DNAL1: variants seen among roughly 807,000 people sequenced by gnomAD.
DNAL1 encodes chromosome 14 open reading frame 168.
In DNAL1, 17 loss-of-function variants were observed where a neutral mutation model predicts 29.4. That is an observed-to-expected ratio of 0.58 (90% CI 0.40 to 0.87). The LOEUF (loss-of-function observed/expected upper bound fraction) is 0.87, where lower values mean the gene tolerates loss of function less well. DNAL1 is among the 40% of genes least tolerant of loss of function. DNAL1 has a pLI of 0.00. For synonymous variants in DNAL1, 78 were observed against 76.3 expected (o/e 1.02, Z -0.12); for missense variants, 188 against 214.1 (o/e 0.88, Z 0.76).
intron 4 of DNAL1, among the ~76,000 whole-genome samples, chr14:73,663,547 A>G (rs1891404952): frequency 6.6e-6 from 1 of 151,904 alleles, no homozygotes; most frequent in African/African-American, 2.4e-5. Context: ...CTTTTTTTTT[A>G]AATGCTGATC....
intron 7 of DNAL1, among the ~76,000 whole-genome samples, chr14:73,693,080 C>T (rs1823321568): frequency 1.3e-5 from 2 of 152,194 alleles, no homozygotes; most frequent in South Asian, 2.1e-4. Flanking sequence ...GTGATCCACC[C>T]ACCTCAGCCT....
In DNAL1 at chr14:73,658,888, A is replaced by G. The variant is rs1359480952; in HGVS notation, c.84A>G (p.Ile28Met). Reference protein sequence around the residue: ...TGQRPSEAKEIKLYAQIPPIE... With the variant: ...TGQRPSEAKEMKLYAQIPPIE... ...AGAGGCCATCTGAAGCCAAAGAGATAAAACTTTATGCCCAGATTCCCCCTA... is the reference window on the plus strand; with the variant it reads ...AGAGGCCATCTGAAGCCAAAGAGATGAAACTTTATGCCCAGATTCCCCCTA... The change falls in exon 3 of 8, where the codon ATA becomes ATG. Residue 28 changes from isoleucine to methionine, a missense_variant. Coordinates refer to ENST00000553645, the MANE Select transcript of DNAL1 (RefSeq NM_031427.4). 1 of 1,602,604 alleles carries G rather than the reference A, an allele frequency of 6.2e-7. No homozygotes were observed.
chr14:73,672,371 C>A (rs752949354), intron 5 of DNAL1, among the ~76,000 whole-genome samples: 3 of 151,736 alleles, frequency 2.0e-5, no homozygotes, highest in Non-Finnish European at 4.4e-5. Flanking sequence ...TTTGGGAGGC[C>A]GAGGCAGGCA....
rs372524059 is a variant in DNAL1 at position 73,700,279 on chromosome 14, G to C, written c.*4337G>C. ...GAGGCAGGAGAATTGCTTGAACCCG[G>C]GAGGCAGAGGCTTCAGTGAGCCGAA... is the stretch of plus-strand genomic sequence containing the variant. On this transcript the variant is annotated 3_prime_UTR_variant, in exon 8 of 8. Coordinates refer to ENST00000553645, the MANE Select transcript of DNAL1 (RefSeq NM_031427.4). 1.1e-4 allele frequency: 17 copies of C among 152,162 alleles called. No homozygotes were observed. Among genetic ancestry groups the C allele is most frequent in the Admixed American group, 1.1e-3 (17 of 15,274 alleles). The allele number at this position is 152,162 out of a possible 1,614,324, so 9.4% of individuals were successfully genotyped here. A position where few individuals can be genotyped will look rare whatever the true frequency, so the allele number is the denominator to read the frequency against.
At chr14:73,694,510 A>G (rs1286539840) in intron 7 of DNAL1, among the ~76,000 whole-genome samples, 1 of 150,094 alleles carries the variant, frequency 6.7e-6, no homozygotes, top group Admixed American at 6.7e-5. Flanking sequence ...TGGCCCAGTG[A>G]GAGCCAGAGA....
chr14:73,701,153 A>G lies in DNAL1; in HGVS notation c.*5211A>G, dbSNP rs1314172667. 2.0e-5 allele frequency: 3 copies of G among 152,228 alleles called. No individual in the cohort carries two copies. Among genetic ancestry groups the G allele is most frequent in the Non-Finnish European group, 4.4e-5 (3 of 68,032 alleles). 9.4% of individuals were successfully genotyped at this position (152,228 alleles called of 1,614,324 possible). On this transcript the variant is annotated 3_prime_UTR_variant, in exon 8 of 8. Transcript: ENST00000553645. ...TTAACTGGATTCTAGTTAATTTCCC[A>G]TATTGGGCAGTTTAGAGGAGACCCA...
chr14:73,681,136 T>C (rs1407094892), intron 5 of DNAL1, among the ~76,000 whole-genome samples: 1 of 150,932 alleles, frequency 6.6e-6, no homozygotes, highest in Non-Finnish European at 1.5e-5. Flanking sequence ...GTTGTTTTTT[T>C]GCTTTTTTTT....
At chr14:73,662,123 G>A in intron 4 of DNAL1, 81 bp downstream of exon 4, 1 of 1,224,752 alleles carries the variant, frequency 8.2e-7, no homozygotes, top group East Asian at 2.6e-5. Flanking sequence ...TGTAATTCCA[G>A]AAGCTGGCAC....
chr14:73,666,339 C>T (rs912776532), intron 4 of DNAL1, among the ~76,000 whole-genome samples: 1 of 152,066 alleles, frequency 6.6e-6, no homozygotes, highest in Non-Finnish European at 1.5e-5. Flanking sequence ...CAAACCATGA[C>T]TAAAAAGCTG....
At position 73,687,519 on chromosome 14, in the gene DNAL1, A is replaced by G. The variant is rs1274525321; in HGVS notation, c.391+134A>G. ...AGTGGAAACATTTATGGCTAAGCTC[A>G]GAGAGAAACAGCAATAGGAGTTTCT... On this transcript the variant is annotated intron_variant, in intron 6 of 7. Transcript: ENST00000553645. 8.8e-6 allele frequency: 9 copies of G among 1,023,110 alleles called. No individual in the cohort carries two copies. The Admixed American group carries it at 1.1e-4, about 12-fold the overall frequency. 63.4% of individuals were successfully genotyped at this position (1,023,110 alleles called of 1,614,324 possible).
At chr14:73,655,266 T>C (rs1300100888) in intron 2 of DNAL1, among the ~76,000 whole-genome samples, 2 of 152,064 alleles carry the variant, frequency 1.3e-5, no homozygotes, top group African/African-American at 4.8e-5. Flanking sequence ...AAGATTTAAA[T>C]ATGGAAAGGC....
At chr14:73,691,942 C>G (rs979570342) in intron 7 of DNAL1, among the ~76,000 whole-genome samples, 2 of 150,732 alleles carry the variant, frequency 1.3e-5, no homozygotes, top group African/African-American at 2.5e-5. Context: ...GTGATCCGCC[C>G]GCCTTGGCCT....
At chr14:73,695,203 C>G (rs1892274193) in intron 7 of DNAL1, among the ~76,000 whole-genome samples, 3 of 151,776 alleles carry the variant, frequency 2.0e-5, no homozygotes, top group South Asian at 4.2e-4. Context: ...ACTACAGGCT[C>G]ACACCACCAT....
At chr14:73,646,877 A>C (rs1259655087) in intron 1 of DNAL1, among the ~76,000 whole-genome samples, 1 of 152,226 alleles carries the variant, frequency 6.6e-6, no homozygotes, top group Non-Finnish European at 1.5e-5. Context: ...GACTGTATTT[A>C]GAACTGGCTT....
chr14:73,684,740 A>T (rs1002599546), intron 5 of DNAL1, among the ~76,000 whole-genome samples: 9 of 152,040 alleles, frequency 5.9e-5, no homozygotes, highest in East Asian at 1.9e-4. Flanking sequence ...ACAAAAAAAA[A>T]TTTTTTTAAA....
chr14:73,675,843 C>T (rs939665603), intron 5 of DNAL1, among the ~76,000 whole-genome samples: 5 of 151,620 alleles, frequency 3.3e-5, no homozygotes, highest in African/African-American at 4.8e-5. Context: ...GGTGAAACCC[C>T]GTCTCTACTA....
rs982123318 is a variant in DNAL1, at chr14:73,702,272, T to C, written c.*6330T>C. ...TCTCCTGCCTCAGCCTCCCGAGTAC[T>C]GGGACTACAGGCGCACACCACCATG... On this transcript the variant is annotated 3_prime_UTR_variant, in exon 8 of 8. Transcript: ENST00000553645. The C allele has an allele frequency of 2.6e-5, 4 of 152,286 alleles. No homozygotes were observed. The highest frequency in any genetic ancestry group is 5.9e-5 in the Non-Finnish European group (4 of 68,070). 9.4% of individuals were successfully genotyped at this position (152,286 alleles called of 1,614,324 possible).
In DNAL1 at chr14:73,654,796, A is replaced by T. The variant is rs867119843; in HGVS notation, c.4-51A>T. On this transcript the variant is annotated intron_variant, in intron 1 of 7. Transcript: ENST00000553645. Reference sequence around the variant, plus strand: ...TACATACATACATACATACATTCATACATACATACAACTTTGTTTTTTCTT... The same window carrying T: ...TACATACATACATACATACATTCATTCATACATACAACTTTGTTTTTTCTT... 3 of 1,454,804 alleles carry T rather than the reference A, an allele frequency of 2.1e-6. No individual in the cohort carries two copies. The Middle Eastern group carries it at 6.5e-4, about 314-fold the overall frequency. The allele number at this position is 1,454,804 out of a possible 1,614,324, so 90.1% of individuals were successfully genotyped here.
intron 7 of DNAL1, among the ~76,000 whole-genome samples, chr14:73,692,355 G>A (rs1474628356): frequency 3.3e-5 from 5 of 151,956 alleles, no homozygotes; most frequent in South Asian, 2.1e-4. Flanking sequence ...GGTGGCAGGC[G>A]CCTATAATCC....
Sources: allele counts gnomAD v4.1 joint callset (sites outside exome capture counted in the v4.1 genomes callset), GRCh38; gene constraint gnomAD v4.1.1; transcripts MANE v1.5; gene names NCBI Gene and HGNC (gene_info 2026-07-23, HGNC 2026-07-21).